HYDIN: variants seen among roughly 807,000 people sequenced by gnomAD.
HYDIN encodes HYDIN axonemal central pair apparatus protein, also known as axonemal central pair apparatus protein HYDIN.
A neutral mutation model predicts 403.9 loss-of-function variants in HYDIN; 132 were observed. That is an observed-to-expected ratio of 0.33 (90% CI 0.28 to 0.38). The LOEUF (loss-of-function observed/expected upper bound fraction) is 0.38, where lower values mean the gene tolerates loss of function less well. Among genes scored for constraint, HYDIN ranks in the 10% least tolerant of loss-of-function variants. The pLI is 1.00. For synonymous variants in HYDIN, 1,202 were observed against 1,891.7 expected (o/e 0.64, Z 9.46); for missense variants, 2,827 against 5,009.5 (o/e 0.56, Z 13.15).
rs1203867119 is a variant in HYDIN, at chr16:71,127,294, G to A, written c.1227+2346C>T. Among the ~76,000 whole-genome samples the A allele has an allele frequency of 2.7e-5, 4 of 145,588 alleles. No individual in the cohort carries two copies. In the East Asian group the frequency reaches 7.9e-4, roughly 29 times the overall value. On this transcript the variant is annotated intron_variant, in intron 9 of 85. Coordinates refer to ENST00000393567, the MANE Select transcript of HYDIN (RefSeq NM_001270974.2). ...TCCATAAAGACCATTTATATTGGAA[G>A]TGAATATTTCTGCCTATTTCTGGCA...
chr16:71,108,006 T>C (rs1376597647), intron 10 of HYDIN, among the ~76,000 whole-genome samples: 1 of 152,148 alleles, frequency 6.6e-6, no homozygotes, highest in Non-Finnish European at 1.5e-5. Context: ...AATGAGATCA[T>C]GTCCTCTGCA....
Position 71,129,681 on chromosome 16 carries a change from T to C in HYDIN, c.1186A>G (p.Ser396Gly). ...ANQRRLVQGD[S>G]KLFFNNVFTV... is the part of the protein sequence containing the mutation. ...AAAACGTTATTGAAGAACAGCTTGCTGTCTCCCTGCACCAGCCTCCTCTGA... is the reference window on the plus strand; with the variant it reads ...AAAACGTTATTGAAGAACAGCTTGCCGTCTCCCTGCACCAGCCTCCTCTGA... The change falls in exon 9 of 86, where the codon AGC becomes GGC. Residue 396 changes from serine to glycine, a missense_variant. Coordinates refer to ENST00000393567, the MANE Select transcript of HYDIN (RefSeq NM_001270974.2). 1.2e-6 allele frequency: 2 copies of C among 1,614,244 alleles called. No homozygotes were observed. The highest frequency in any genetic ancestry group is 1.7e-6 in the Non-Finnish European group (2 of 1,180,036).
In HYDIN at chr16:70,829,921, G is replaced by A. The variant is rs1325621843; in HGVS notation, c.13900-91C>T. 4 of 1,132,502 alleles carry A rather than the reference G, an allele frequency of 3.5e-6. No individual in the cohort carries two copies. The Admixed American group carries it at 5.9e-5, about 17-fold the overall frequency. The allele number at this position is 1,132,502 out of a possible 1,614,324, so 70.2% of individuals were successfully genotyped here. On this transcript the variant is annotated intron_variant, in intron 80 of 85. Transcript: ENST00000393567. ...TACAGAATGTGCGCTGGGGAAGACT[G>A]ACTTTGACAGTGCTTCCCATCATGA...
At position 70,992,524 on chromosome 16, in the gene HYDIN, T is replaced by C. The variant is rs576310094; in HGVS notation, c.3645-314A>G. ...TAGATGTGGACTCGCTGAGGACTGG[T>C]ATCCAATATGGTGTCTAATCCAGTG... On this transcript the variant is annotated intron_variant, in intron 23 of 85. Coordinates refer to ENST00000393567, the MANE Select transcript of HYDIN (RefSeq NM_001270974.2). Among the ~76,000 whole-genome samples the C allele has an allele frequency of 2.0e-4, 30 of 147,248 alleles. No homozygotes were observed. The East Asian group carries it at 4.5e-3, about 22-fold the overall frequency.
chr16:70,923,797 G>A (rs1389451934), intron 45 of HYDIN, among the ~76,000 whole-genome samples: 10 of 148,038 alleles, frequency 6.8e-5, no homozygotes, highest in South Asian at 2.1e-4. Context: ...CTCCGGCCTC[G>A]GCGACAGAGC....
intron 10 of HYDIN, among the ~76,000 whole-genome samples, chr16:71,110,318 T>A (rs2083766520): frequency 7.0e-6 from 1 of 142,402 alleles, no homozygotes; most frequent in Non-Finnish European, 1.5e-5. Flanking sequence ...TATATAAAAA[T>A]TTATATCTAA....
At chr16:70,976,888 C>T (rs1302364325) in intron 30 of HYDIN, among the ~76,000 whole-genome samples, 6 of 151,716 alleles carry the variant, frequency 4.0e-5, no homozygotes, top group African/African-American at 1.5e-4. Flanking sequence ...TGCCATGGCC[C>T]ACAGTGAGGC....
intron 18 of HYDIN, among the ~76,000 whole-genome samples, chr16:71,048,880 A>T (rs1597640163): frequency 6.6e-6 from 1 of 152,296 alleles, no homozygotes; most frequent in East Asian, 1.9e-4. Flanking sequence ...AAAAGTTAAA[A>T]AAAGAACTCT....
At chr16:71,175,898 T>C (rs2086652232) in intron 4 of HYDIN, 157 bp from the exon 5 acceptor site, 1 of 732,030 alleles carries the variant, frequency 1.4e-6, no homozygotes, top group Non-Finnish European at 2.4e-6. Flanking sequence ...CTTATCTTTA[T>C]CCCATACAAA....
chr16:71,161,361 G>T (rs2085994378), intron 6 of HYDIN, among the ~76,000 whole-genome samples: 1 of 152,188 alleles, frequency 6.6e-6, no homozygotes, highest in African/African-American at 2.4e-5. Context: ...CTCACCTCCT[G>T]CTGTGCAGCC....
Position 70,834,104 on chromosome 16 carries a change from C to G in HYDIN, c.13462G>C (p.Glu4488Gln). The G allele has an allele frequency of 1.9e-6, 3 of 1,612,858 alleles. No individual in the cohort carries two copies. The highest frequency in any genetic ancestry group is 2.5e-6 in the Non-Finnish European group (3 of 1,179,254). The change falls in exon 79 of 86, where the codon GAA (glutamate) becomes CAA (glutamine). Residue 4488 changes from glutamate (E) to glutamine (Q), a missense_variant. Transcript: ENST00000393567. ...CGCTTCTTCGGGGCAAAGATGACTT[C>G]CAGTTTACAGACTTCTTTGGGCTTC... ...TLKPKEVCKL[E>Q]VIFAPKKRVP... is the part of the protein sequence containing the mutation.
In HYDIN at chr16:71,074,707, C is replaced by CAAA. The variant is rs59315287; in HGVS notation, c.1738+5175_1738+5177dup. 8.1e-3 allele frequency among the ~76,000 whole-genome samples: 698 copies of CAAA among 86,070 alleles called. 1 individual carries two copies. The highest frequency in any genetic ancestry group is 0.013 in the Non-Finnish European group (563 of 43,812). 56.5% of individuals were successfully genotyped at this position (86,070 alleles called of 152,430 possible). On this transcript the variant is annotated intron_variant, in intron 13 of 85. Coordinates refer to ENST00000393567, the MANE Select transcript of HYDIN (RefSeq NM_001270974.2). ...CAAAACAAAACAAAACAAAAAACAC[C>CAAA]AAAAAAAAAAAAAAAAAAAAAGAAA...
chr16:71,185,628 CACAAAATGCTTTT>C (rs1305838747), intron 2 of HYDIN, among the ~76,000 whole-genome samples: 1 of 151,934 alleles, frequency 6.6e-6, no homozygotes, highest in Non-Finnish European at 1.5e-5. Context: ...CCAGTAAGAA[CACAAAATGCTTTT>C]ACCCTTTCCA....
chr16:70,861,506 C>A (rs1333922458), intron 69 of HYDIN, among the ~76,000 whole-genome samples: 2 of 150,972 alleles, frequency 1.3e-5, no homozygotes, highest in African/African-American at 4.9e-5. Flanking sequence ...ATTGGGTTAG[C>A]TTTTCTCTCA....
intron 17 of HYDIN, among the ~76,000 whole-genome samples, chr16:71,061,486 A>G (rs1364537181): frequency 6.6e-6 from 1 of 152,270 alleles, no homozygotes; most frequent in Non-Finnish European, 1.5e-5. Flanking sequence ...CTCCTGTAGG[A>G]TTCGATGTTT....
In HYDIN at chr16:70,806,990, G is replaced by T. The variant is rs2143410365; in HGVS notation, c.*590C>A. On this transcript the variant is annotated 3_prime_UTR_variant, in exon 86 of 86. Coordinates refer to ENST00000393567, the MANE Select transcript of HYDIN (RefSeq NM_001270974.2). The stretch of plus-strand genomic sequence containing the variant: ...CTTTCTCCAGGGCCTAGACTTCAGT[G>T]AGAACTTTCTGTGTAGGGCAGATGT... 6.6e-6 allele frequency among the ~76,000 whole-genome samples: 1 copy of T among 152,292 alleles called. No individual in the cohort carries two copies. The highest frequency in any genetic ancestry group is 1.9e-4 in the East Asian group (1 of 5,176).
chr16:70,840,125 C>G lies in HYDIN; in HGVS notation c.12982G>C (p.Ala4328Pro). 2 of 870,112 alleles carry G rather than the reference C, an allele frequency of 2.3e-6. No homozygotes were observed. The allele number at this position is 870,112 out of a possible 1,614,324, so 53.9% of individuals were successfully genotyped here. The change falls in exon 76 of 86, where the codon GCT (alanine) becomes CCT (proline). Residue 4328 changes from alanine (A) to proline (P), a missense_variant. By Grantham distance (27) the Ala-to-Pro change is conservative. Transcript: ENST00000393567. ...YNFGTCFIYQAGMPPYKQTLV... is the reference protein window; with the variant it reads ...YNFGTCFIYQPGMPPYKQTLV... ...GTTTGTTTGTATGGGGGCATCCCAG[C>G]TTGATAGATAAAGCAGGTCCCAAAG...
At position 70,833,086 on chromosome 16, in the gene HYDIN, G is replaced by C. The variant is rs1427255304; in HGVS notation, c.13680-19C>G. On this transcript the variant is annotated intron_variant, in intron 79 of 85. Coordinates refer to ENST00000393567, the MANE Select transcript of HYDIN (RefSeq NM_001270974.2). ...TTTAAACCTTTTCCAAGAAAAAGAA[G>C]AAAAGAAAGAGAGTTTATGGATGTT... 6.3e-7 allele frequency: 1 copy of C among 1,598,028 alleles called. No homozygotes were observed. Among genetic ancestry groups the C allele is most frequent in the East Asian group, 2.2e-5 (1 of 44,460 alleles).
In HYDIN at chr16:70,803,550, T is replaced by C. The variant is rs115456346; in HGVS notation, c.*4030A>G. 4.9e-4 allele frequency among the ~76,000 whole-genome samples: 75 copies of C among 152,382 alleles called. 1 individual carries two copies. Among genetic ancestry groups the C allele is most frequent in the African/African-American group, 1.6e-3 (67 of 41,596 alleles). On this transcript the variant is annotated 3_prime_UTR_variant, in exon 86 of 86. Coordinates refer to ENST00000393567, the MANE Select transcript of HYDIN (RefSeq NM_001270974.2). ...TGCTTGGTTGTTATGCTAGAACTTG[T>C]AATAGTTCTGTAACAACTATTCATA...
Sources: allele counts gnomAD v4.1 joint callset (sites outside exome capture counted in the v4.1 genomes callset), GRCh38; gene constraint gnomAD v4.1.1; transcripts MANE v1.5; gene names NCBI Gene and HGNC (gene_info 2026-07-23, HGNC 2026-07-21).